The following RBFOX1 variants were observed in gnomAD, a reference collection of about 807,000 sequenced individuals.
The protein encoded by RBFOX1 is RNA binding fox-1 homolog 1.
A neutral mutation model predicts 57.7 loss-of-function variants in RBFOX1; 8 were observed. The ratio of observed to expected loss-of-function variants is 0.14; its 90% CI spans 0.08 to 0.25. The LOEUF (loss-of-function observed/expected upper bound fraction) is 0.25, where lower values mean the gene tolerates loss of function less well. Ranked by LOEUF, RBFOX1 falls within the 10% of genes least tolerant of loss-of-function variation. The pLI, the probability that RBFOX1 is intolerant of heterozygous loss-of-function variation, is 1.00. For synonymous variants in RBFOX1, 326 were observed against 222.4 expected (o/e 1.47, Z -4.15); for missense variants, 611 against 548.5 (o/e 1.11, Z -1.14).
intron 3 of RBFOX1, among the ~76,000 whole-genome samples, chr16:6,752,495 G>A (rs1603542553): frequency 6.6e-6 from 1 of 152,198 alleles, no homozygotes; most frequent in Non-Finnish European, 1.5e-5. Flanking sequence ...CTTGCTATGT[G>A]CTGGAAGCTG....
intron 3 of RBFOX1, among the ~76,000 whole-genome samples, chr16:6,731,379 A>G (rs1396536983): frequency 6.6e-6 from 1 of 152,124 alleles, no homozygotes; most frequent in East Asian, 1.9e-4. Flanking sequence ...ATACTTTAGA[A>G]ACAGGGGATC....
intron 2 of RBFOX1, among the ~76,000 whole-genome samples, chr16:6,324,632 A>G (rs997356596): frequency 6.6e-6 from 1 of 152,210 alleles, no homozygotes; most frequent in Non-Finnish European, 1.5e-5. Flanking sequence ...TAAACTGTTC[A>G]TGAGAAACTG....
intron 2 of RBFOX1, among the ~76,000 whole-genome samples, chr16:6,327,973 A>G (rs936176716): frequency 1.3e-5 from 2 of 152,160 alleles, no homozygotes; most frequent in Non-Finnish European, 2.9e-5. Context: ...TCTGAAAATG[A>G]TCTGGGTGGA....
intron 3 of RBFOX1, among the ~76,000 whole-genome samples, chr16:7,047,716 CTTTTTTTTTTT>C (rs55636828): frequency 0.2 from 9,568 of 48,554 alleles, 703 homozygotes; most frequent in East Asian, 0.37. Context: ...TCCTGCATTT[CTTTTTTTTTTT>C]TTTTTTTTTT....
chr16:6,732,820 C>T (rs1420780018), intron 3 of RBFOX1, among the ~76,000 whole-genome samples: 1 of 152,054 alleles, frequency 6.6e-6, no homozygotes. Context: ...TTTTTTTGTT[C>T]ATGTTTTTGT....
intron 1 of RBFOX1, among the ~76,000 whole-genome samples, chr16:5,397,244 C>T (rs2066584508): frequency 6.6e-6 from 1 of 152,230 alleles, no homozygotes; most frequent in African/African-American, 2.4e-5. Context: ...AAGGGATTTT[C>T]CCCCTCTGGT....
At chr16:5,558,840 C>A (rs764551841) in intron 2 of RBFOX1, among the ~76,000 whole-genome samples, 4 of 152,100 alleles carry the variant, frequency 2.6e-5, no homozygotes, top group African/African-American at 9.7e-5. Flanking sequence ...AAAACTAGAG[C>A]AGGAGTTCTC....
At chr16:6,243,837 G>A (rs987122436) in intron 1 of RBFOX1, among the ~76,000 whole-genome samples, 2 of 152,202 alleles carry the variant, frequency 1.3e-5, no homozygotes, top group African/African-American at 2.4e-5. Flanking sequence ...TCCTGCCTGA[G>A]ATGAAAGACC....
chr16:7,159,639 G>A (rs181261992), intron 4 of RBFOX1, among the ~76,000 whole-genome samples: 1 of 152,186 alleles, frequency 6.6e-6, no homozygotes, highest in Non-Finnish European at 1.5e-5. Flanking sequence ...GTGTGTGTTT[G>A]TGCTGGTTCT....
chr16:6,464,878 A>G (rs1295647400), intron 2 of RBFOX1, among the ~76,000 whole-genome samples: 2 of 152,252 alleles, frequency 1.3e-5, no homozygotes, highest in Non-Finnish European at 2.9e-5. Context: ...ATACAGCAGT[A>G]GGAGAATGTA....
intron 3 of RBFOX1, among the ~76,000 whole-genome samples, chr16:5,743,423 G>A (rs895481450): frequency 1.3e-5 from 2 of 152,126 alleles, no homozygotes; most frequent in Non-Finnish European, 2.9e-5. Context: ...CGTGGAAGGA[G>A]GAGTCTTACA....
intron 3 of RBFOX1, among the ~76,000 whole-genome samples, chr16:6,761,044 C>T (rs2154198822): frequency 6.6e-6 from 1 of 152,292 alleles, no homozygotes; most frequent in Middle Eastern, 3.4e-3. Flanking sequence ...AAGTTTATAG[C>T]TTCACATTTT....
At chr16:5,632,464 G>C (rs897379250) in intron 3 of RBFOX1, 41 of 152,216 alleles carry the variant, frequency 2.7e-4, no homozygotes, top group African/African-American at 9.9e-4. Flanking sequence ...CATAGTGACA[G>C]CTCAGTACAT....
chr16:5,779,821 C>G (rs1236413700), intron 3 of RBFOX1, among the ~76,000 whole-genome samples: 1 of 152,196 alleles, frequency 6.6e-6, no homozygotes, highest in African/African-American at 2.4e-5. Flanking sequence ...CAAACCCTAG[C>G]TCTCCGTTTG....
chr16:6,903,714 C>T lies in RBFOX1; in HGVS notation c.-15-148343C>T, dbSNP rs999105695. Among the ~76,000 whole-genome samples the T allele has an allele frequency of 2.6e-5, 4 of 152,180 alleles. No homozygotes were observed. In the South Asian group the frequency reaches 8.3e-4, roughly 32 times the overall value. ...AAGTCTTTAAGGGCAGCAGAGCAAGCACTGGGAGGGACTAATAGGACCTCA... is the reference window on the plus strand; with the variant it reads ...AAGTCTTTAAGGGCAGCAGAGCAAGTACTGGGAGGGACTAATAGGACCTCA... On this transcript the variant is annotated intron_variant, in intron 3 of 15. Transcript: ENST00000550418.
intron 4 of RBFOX1, among the ~76,000 whole-genome samples, chr16:7,083,607 G>A (rs2059534353): frequency 6.6e-6 from 1 of 152,078 alleles, no homozygotes; most frequent in African/African-American, 2.4e-5. Context: ...TAACTCAGAT[G>A]CACAAGAAAC....
intron 2 of RBFOX1, among the ~76,000 whole-genome samples, chr16:6,617,022 G>A (rs559167642): frequency 5.3e-5 from 8 of 152,168 alleles, no homozygotes; most frequent in African/African-American, 1.9e-4. Flanking sequence ...CTTCTTTGTA[G>A]GAAAAGTTTG....
chr16:7,566,538 C>A (rs1016957120), intron 5 of RBFOX1, among the ~76,000 whole-genome samples: 1 of 152,152 alleles, frequency 6.6e-6, no homozygotes, highest in Non-Finnish European at 1.5e-5. Flanking sequence ...TGACTTCGGA[C>A]AGATCGCCTA....
At chr16:5,436,041 G>C (rs543585807) in intron 1 of RBFOX1, among the ~76,000 whole-genome samples, 16 of 152,318 alleles carry the variant, frequency 1.1e-4, no homozygotes, top group Non-Finnish European at 1.9e-4. Context: ...TCTAAGGTGA[G>C]ATACAAACTA....
Sources: gnomAD v4.1 joint callset for allele counts (sites outside exome capture counted in the v4.1 genomes callset) on GRCh38, gnomAD v4.1.1 for gene constraint, MANE v1.5 for transcripts, NCBI Gene and HGNC (gene_info 2026-07-23, HGNC 2026-07-21) for gene names.